Variants in ITPR1 observed in about 807,000 individuals in gnomAD.
The protein encoded by ITPR1 is inositol 1,4,5-trisphosphate receptor type 1, also known as inositol 1,4,5-trisphosphate-gated calcium channel ITPR1.
In ITPR1, 96 loss-of-function variants were observed where a neutral mutation model predicts 318.4. That is an observed-to-expected ratio of 0.30 (90% CI 0.26 to 0.36). ITPR1 has a LOEUF of 0.36. ITPR1 is among the 10% of genes least tolerant of loss of function. ITPR1 has a pLI of 1.00. For missense variants in ITPR1, 2,440 were observed against 3,460.2 expected (o/e 0.71, Z 7.40); for synonymous variants, 1,312 against 1,289.9 (o/e 1.02, Z -0.37).
intron 4 of ITPR1, among the ~76,000 whole-genome samples, chr3:4,572,282 A>G (rs1000171526): frequency 6.6e-6 from 1 of 152,202 alleles, no homozygotes; most frequent in Non-Finnish European, 1.5e-5. Flanking sequence ...CACATAGACC[A>G]CTTGATTTCC....
At chr3:4,768,187 G>C (rs1403687229) in intron 45 of ITPR1, 1 of 252,070 alleles carries the variant, frequency 4.0e-6, no homozygotes, top group Non-Finnish European at 7.5e-6. Flanking sequence ...GTTATTCACG[G>C]ATGCTCTCCC....
Position 4,710,480 on chromosome 3 carries a change from G to A in ITPR1, c.4991+7G>A, listed in dbSNP as rs753902028. ...GTGGCGGTTTCATTTGCAAGTAAGC[G>A]GCCTCTCTCTCTGGGGTGTTCATTT... On this transcript the variant is annotated splice_region_variant and intron_variant, in intron 38 of 61. Transcript: ENST00000649015. The surrounding 1 kb of genome is among the most constrained non-coding windows in gnomAD (Gnocchi z 4.2). 10 of 1,552,188 alleles carry A rather than the reference G, an allele frequency of 6.4e-6. No individual in the cohort carries two copies. The highest frequency in any genetic ancestry group is 3.6e-5 in the South Asian group (3 of 84,100).
chr3:4,816,208 C>T (rs1466786889), intron 59 of ITPR1: 1 of 152,170 alleles, frequency 6.6e-6, no homozygotes, highest in Non-Finnish European at 1.5e-5. Flanking sequence ...CAATAATGTC[C>T]TTTGCAAATC....
At chr3:4,667,319 G>T (rs775056539) in intron 17 of ITPR1, 58 bp from the exon 18 acceptor site, 1 of 1,350,702 alleles carries the variant, frequency 7.4e-7, no homozygotes, top group Non-Finnish European at 1.0e-6. Flanking sequence ...TTTAGTCTAC[G>T]CTTAACCATA....
chr3:4,517,949 C>T (rs1256521453), intron 3 of ITPR1, among the ~76,000 whole-genome samples: 2 of 152,358 alleles, frequency 1.3e-5, no homozygotes, highest in East Asian at 3.9e-4. Flanking sequence ...ACTGTGCCTA[C>T]ATCTTCCTTA....
At chr3:4,829,659 G>C (rs1175447283) in intron 60 of ITPR1, among the ~76,000 whole-genome samples, 1 of 151,922 alleles carries the variant, frequency 6.6e-6, no homozygotes, top group African/African-American at 2.4e-5. Flanking sequence ...TATTATTGTG[G>C]CCTGTTTGTT....
intron 5 of ITPR1, 32 bp from the exon 6 acceptor site, chr3:4,639,352 C>A: frequency 1.3e-6 from 2 of 1,506,498 alleles, no homozygotes; most frequent in African/African-American, 1.4e-5. Context: ...ATGGTTTCCT[C>A]TTTGTGATCA....
chr3:4,625,593 G>C (rs1236798829), intron 4 of ITPR1, among the ~76,000 whole-genome samples: 1 of 152,142 alleles, frequency 6.6e-6, no homozygotes, highest in Admixed American at 6.5e-5. Flanking sequence ...GTCTGGCTCT[G>C]TCGCCCAGGC....
At chr3:4,804,176 G>C (rs532156853) in intron 54 of ITPR1, among the ~76,000 whole-genome samples, 2 of 152,124 alleles carry the variant, frequency 1.3e-5, no homozygotes, top group Non-Finnish European at 2.9e-5. Context: ...CCCGCCTAGA[G>C]TGAATTTTAA....
chr3:4,736,410 C>T (rs957553989), intron 44 of ITPR1, among the ~76,000 whole-genome samples: 1 of 152,238 alleles, frequency 6.6e-6, no homozygotes, highest in Admixed American at 6.5e-5. Flanking sequence ...GCAGGTGCAG[C>T]ACAGGTGAGA....
chr3:4,544,843 G>A (rs1184129697), intron 4 of ITPR1, among the ~76,000 whole-genome samples: 1 of 152,184 alleles, frequency 6.6e-6, no homozygotes, highest in African/African-American at 2.4e-5. Flanking sequence ...GCCCAGACTG[G>A]AGTGCGTGTG....
At chr3:4,647,177 C>A (rs1475949599) in intron 10 of ITPR1, among the ~76,000 whole-genome samples, 1 of 151,144 alleles carries the variant, frequency 6.6e-6, no homozygotes, top group Non-Finnish European at 1.5e-5. Context: ...TTTTTTTTCA[C>A]TCAGTATAAT....
Position 4,538,755 on chromosome 3 carries a change from A to T in ITPR1, c.163+17661A>T, listed in dbSNP as rs141915063. Among the ~76,000 whole-genome samples the T allele has an allele frequency of 7.9e-5, 12 of 152,274 alleles. No homozygotes were observed. In the East Asian group the frequency reaches 1.7e-3, roughly 22 times the overall value. On this transcript the variant is annotated intron_variant, in intron 4 of 61. Transcript: ENST00000649015. The stretch of plus-strand genomic sequence containing the variant: ...GATCATGTCCTTTGCAGGGACATGG[A>T]TGGAGCAAACTAATTCAAGAACAGA...
intron 4 of ITPR1, among the ~76,000 whole-genome samples, chr3:4,609,051 AATATATATATATATATATATATATATAT>A (rs754002503): frequency 1.3e-4 from 6 of 46,568 alleles, no homozygotes; most frequent in Admixed American, 3.8e-4. Flanking sequence ...ACAACAACGA[AATATATATATATATATATATATATATAT>A]ATATATATAT....
chr3:4,567,114 G>A (rs1284005828), intron 4 of ITPR1, among the ~76,000 whole-genome samples: 1 of 152,192 alleles, frequency 6.6e-6, no homozygotes, highest in Non-Finnish European at 1.5e-5. Flanking sequence ...TGTTGTGAGA[G>A]TTAAACAAGT....
Position 4,627,866 on chromosome 3 carries a change from C to A in ITPR1, c.267C>A (p.Leu89=). 6.2e-7 allele frequency: 1 copy of A among 1,609,390 alleles called. No individual in the cohort carries two copies. Among genetic ancestry groups the A allele is most frequent in the South Asian group, 1.1e-5 (1 of 90,702 alleles). ...GANSTTDAVL[L]NKLHHAADLE... is the part of the protein sequence containing the mutation. ...ACAGCACCACAGACGCAGTGCTACT[C>A]AACAAACTGCACGTACGTATTGCCA... Residue 89 remains leucine (L), a synonymous_variant, in exon 5 of 62, where the codon CTC becomes CTA. Coordinates refer to ENST00000649015, the MANE Select transcript of ITPR1 (RefSeq NM_001378452.1).
intron 4 of ITPR1, among the ~76,000 whole-genome samples, chr3:4,548,545 A>G (rs1251068319): frequency 6.6e-6 from 1 of 152,150 alleles, no homozygotes; most frequent in Non-Finnish European, 1.5e-5. Context: ...ATGCCTCCTT[A>G]TGAAATGTAC....
intron 4 of ITPR1, among the ~76,000 whole-genome samples, chr3:4,580,564 G>A (rs139189060): frequency 6.6e-6 from 1 of 152,230 alleles, no homozygotes; most frequent in South Asian, 2.1e-4. Flanking sequence ...ATGAACAGCA[G>A]AGAGCTTGCT....
At chr3:4,746,092 A>C (rs151280001) in intron 44 of ITPR1, among the ~76,000 whole-genome samples, 1 of 152,174 alleles carries the variant, frequency 6.6e-6, no homozygotes. Flanking sequence ...CAGGATTCAT[A>C]TTCTTGACCA....
Sources: allele counts gnomAD v4.1 joint callset (sites outside exome capture counted in the v4.1 genomes callset), GRCh38; gene constraint gnomAD v4.1.1; non-coding constraint Gnocchi (gnomAD v3.1); transcripts MANE v1.5; gene names NCBI Gene and HGNC (gene_info 2026-07-23, HGNC 2026-07-21).